ATRNL1: variants seen among roughly 807,000 people sequenced by gnomAD.
The protein encoded by ATRNL1 is attractin-like protein 1.
ATRNL1 carries 95 observed loss-of-function variants against 182.7 expected under a neutral mutation model. The ratio of observed to expected loss-of-function variants is 0.52; its 90% CI spans 0.44 to 0.62. ATRNL1 has a LOEUF of 0.62. ATRNL1 is among the 20% of genes least tolerant of loss of function. ATRNL1 has a pLI of 0.00. For missense variants in ATRNL1, 1,471 were observed against 1,679.5 expected, an observed-to-expected ratio of 0.88 and a Z score of 2.17; for synonymous variants, 576 against 568.3, an observed-to-expected ratio of 1.01 and a Z score of -0.19.
At chr10:115,505,281 GCATGGCATCC>G (rs1236080262) in intron 24 of ATRNL1, among the ~76,000 whole-genome samples, 9 of 151,844 alleles carry the variant, frequency 5.9e-5, no homozygotes, top group Admixed American at 2.0e-4. Context: ...TCTTAGACTA[GCATGGCATCC>G]ATGCTTTTAC....
intron 28 of ATRNL1, among the ~76,000 whole-genome samples, chr10:115,879,922 C>T (rs555394868): frequency 6.6e-6 from 1 of 151,840 alleles, no homozygotes; most frequent in Non-Finnish European, 1.5e-5. Flanking sequence ...CAGGGTGGGG[C>T]AGTAAAAGCT....
intron 19 of ATRNL1, among the ~76,000 whole-genome samples, chr10:115,373,907 A>C (rs1378199975): frequency 6.6e-6 from 1 of 151,918 alleles, no homozygotes. Context: ...AACATTTCCT[A>C]TTTTAATGTT....
intron 19 of ATRNL1, among the ~76,000 whole-genome samples, chr10:115,391,213 TA>T (rs2134268464): frequency 6.6e-6 from 1 of 152,358 alleles, no homozygotes; most frequent in Admixed American, 6.5e-5. Flanking sequence ...ACAGAAGTGG[TA>T]AAGGTGGACA....
At chr10:115,817,340 T>G (rs1555088919) in intron 27 of ATRNL1, among the ~76,000 whole-genome samples, 1 of 152,122 alleles carries the variant, frequency 6.6e-6, no homozygotes, top group African/African-American at 2.4e-5. Flanking sequence ...TAAACATGGA[T>G]TACATTCCCA....
intron 26 of ATRNL1, among the ~76,000 whole-genome samples, chr10:115,723,594 G>A (rs992646849): frequency 1.7e-4 from 25 of 144,708 alleles, no homozygotes; most frequent in Non-Finnish European, 2.7e-4. Flanking sequence ...TGTTACCCAG[G>A]CTGGAGTGCA....
At chr10:115,839,338 C>T (rs1202058847) in intron 27 of ATRNL1, among the ~76,000 whole-genome samples, 1 of 152,114 alleles carries the variant, frequency 6.6e-6, no homozygotes, top group Non-Finnish European at 1.5e-5. Flanking sequence ...ATCCGAGCAT[C>T]TCAGCACAGC....
intron 24 of ATRNL1, among the ~76,000 whole-genome samples, chr10:115,502,501 C>T (rs1554980326): frequency 6.6e-6 from 1 of 151,928 alleles, no homozygotes; most frequent in East Asian, 1.9e-4. Context: ...CTTAATTTTA[C>T]AAACAAGAAG....
chr10:115,658,120 G>C (rs1276294085), intron 26 of ATRNL1, among the ~76,000 whole-genome samples: 1 of 114,902 alleles, frequency 8.7e-6, no homozygotes, highest in Non-Finnish European at 1.7e-5. Context: ...TTTTGAGATG[G>C]AGTCTCGCTC....
chr10:115,811,713 C>A lies in ATRNL1; in HGVS notation c.3904-36164C>A, dbSNP rs544972634. Among the ~76,000 whole-genome samples the A allele has an allele frequency of 2.0e-5, 3 of 152,100 alleles. No individual in the cohort carries two copies. The South Asian group carries it at 6.2e-4, about 32-fold the overall frequency. Reference sequence around the variant, plus strand: ...ATAGGTCTTCTTGATTAATTGACTTCTTTATTATTATATAATGTTATACAT... The same window carrying A: ...ATAGGTCTTCTTGATTAATTGACTTATTTATTATTATATAATGTTATACAT... On this transcript the variant is annotated intron_variant, in intron 27 of 28. Transcript: ENST00000355044.
At chr10:115,662,138 A>G (rs976806134) in intron 26 of ATRNL1, among the ~76,000 whole-genome samples, 1 of 151,846 alleles carries the variant, frequency 6.6e-6, no homozygotes, top group African/African-American at 2.4e-5. Context: ...ATAGTATTCC[A>G]TGGTGTATAT....
chr10:115,413,986 A>C (rs1468614652), intron 20 of ATRNL1, among the ~76,000 whole-genome samples: 6 of 152,128 alleles, frequency 3.9e-5, no homozygotes, highest in African/African-American at 1.2e-4. Context: ...TAAATATTTT[A>C]GAAAGCATTT....
chr10:115,544,049 C>T (rs1262739222), intron 25 of ATRNL1, among the ~76,000 whole-genome samples: 8 of 152,018 alleles, frequency 5.3e-5, no homozygotes, highest in Admixed American at 4.6e-4. Context: ...ATATCTATAT[C>T]ATGGAGCATA....
chr10:115,711,729 A>G (rs2134018194), intron 26 of ATRNL1, among the ~76,000 whole-genome samples: 1 of 152,316 alleles, frequency 6.6e-6, no homozygotes, highest in South Asian at 2.1e-4. Flanking sequence ...ATCAGCTTCA[A>G]TGACACTCTG....
intron 5 of ATRNL1, among the ~76,000 whole-genome samples, chr10:115,141,003 G>A (rs150384824): frequency 7.2e-5 from 11 of 152,088 alleles, no homozygotes; most frequent in Admixed American, 3.3e-4. Context: ...GTAATATGCT[G>A]TCATAAGACC....
At chr10:115,509,571 C>G (rs1850283375) in intron 24 of ATRNL1, among the ~76,000 whole-genome samples, 1 of 152,012 alleles carries the variant, frequency 6.6e-6, no homozygotes, top group Admixed American at 6.6e-5. Context: ...CCGCCTTCAC[C>G]TTTCACCATG....
intron 19 of ATRNL1, among the ~76,000 whole-genome samples, chr10:115,339,585 C>T (rs1443347360): frequency 6.6e-6 from 1 of 152,014 alleles, no homozygotes. Flanking sequence ...CTGAATTTAT[C>T]AGTTCTAAGA....
chr10:115,725,933 G>A (rs539041733), intron 26 of ATRNL1, among the ~76,000 whole-genome samples: 25 of 152,164 alleles, frequency 1.6e-4, no homozygotes, highest in African/African-American at 5.8e-4. Flanking sequence ...CTTTGAATAT[G>A]TATTTTTAAA....
chr10:115,818,929 A>G (rs1422200138), intron 27 of ATRNL1, among the ~76,000 whole-genome samples: 1 of 152,152 alleles, frequency 6.6e-6, no homozygotes, highest in Non-Finnish European at 1.5e-5. Context: ...GGCAGATTCC[A>G]AGAAAACCTG....
intron 10 of ATRNL1, among the ~76,000 whole-genome samples, chr10:115,252,718 G>A (rs1474233868): frequency 2.6e-5 from 4 of 152,116 alleles, no homozygotes; most frequent in East Asian, 1.9e-4. Context: ...TGGCAGTCTC[G>A]TTATATGGTA....
Sources: allele counts gnomAD v4.1 joint callset (sites outside exome capture counted in the v4.1 genomes callset), GRCh38; gene constraint gnomAD v4.1.1; transcripts MANE v1.5; gene names NCBI Gene and HGNC (gene_info 2026-07-23, HGNC 2026-07-21).